Variants in PUS10 observed in about 807,000 individuals in gnomAD.
The protein encoded by PUS10 is pseudouridine synthase 10.
In PUS10, 59 loss-of-function variants were observed where a neutral mutation model predicts 75.0. That is an observed-to-expected ratio of 0.79 (90% CI 0.64 to 0.98). The LOEUF (loss-of-function observed/expected upper bound fraction) is 0.98. PUS10 is among the 50% of genes least tolerant of loss of function. The probability of loss-of-function intolerance (pLI) is 0.00; values close to 1 mark genes in which losing one functional copy is unlikely to be tolerated. For missense variants in PUS10, 650 were observed against 614.4 expected, an observed-to-expected ratio of 1.06 and a Z score of -0.61; for synonymous variants, 219 against 211.6, an observed-to-expected ratio of 1.03 and a Z score of -0.30.
chr2:61,000,522 A>G (rs542889662), intron 4 of PUS10, among the ~76,000 whole-genome samples: 2 of 152,312 alleles, frequency 1.3e-5, no homozygotes, highest in African/African-American at 4.8e-5. Flanking sequence ...GGAGGCTGTA[A>G]GTAGTAAATC....
intron 4 of PUS10, among the ~76,000 whole-genome samples, chr2:60,972,243 C>T (rs1676731582): frequency 6.8e-6 from 1 of 147,912 alleles, no homozygotes; most frequent in Non-Finnish European, 1.5e-5. Flanking sequence ...GTGGGCGGAT[C>T]ACGACGTCAG....
chr2:61,015,566 G>A (rs1238295340), intron 1 of PUS10, among the ~76,000 whole-genome samples: 2 of 152,140 alleles, frequency 1.3e-5, no homozygotes, highest in Non-Finnish European at 2.9e-5. Flanking sequence ...ATGCGTGGTG[G>A]CACGCACCTG....
intron 16 of PUS10, among the ~76,000 whole-genome samples, chr2:60,947,581 G>A (rs1675025783): frequency 6.6e-6 from 1 of 152,148 alleles, no homozygotes; most frequent in Non-Finnish European, 1.5e-5. Context: ...TGTAATCACA[G>A]CACTTCGGAA....
chr2:60,970,142 T>C (rs965213530), intron 5 of PUS10, among the ~76,000 whole-genome samples: 1 of 151,946 alleles, frequency 6.6e-6, no homozygotes, highest in African/African-American at 2.4e-5. Flanking sequence ...TAGATATAAA[T>C]TGAAAACATT....
intron 4 of PUS10, among the ~76,000 whole-genome samples, chr2:60,991,125 T>A (rs770201701): frequency 5.9e-5 from 9 of 152,170 alleles, no homozygotes; most frequent in Non-Finnish European, 1.0e-4. Context: ...GCAATCCTCC[T>A]GCCTCAGTCT....
intron 4 of PUS10, among the ~76,000 whole-genome samples, chr2:60,985,257 T>C (rs924540833): frequency 2.0e-5 from 3 of 152,174 alleles, no homozygotes; most frequent in Non-Finnish European, 4.4e-5. Context: ...GCTTGGGTAC[T>C]ATTAGTTTGA....
intron 4 of PUS10, among the ~76,000 whole-genome samples, chr2:60,981,940 C>A (rs1009164434): frequency 6.6e-5 from 10 of 152,100 alleles, no homozygotes; most frequent in Non-Finnish European, 1.0e-4. Flanking sequence ...CACTTTGAAA[C>A]AAACAATTTT....
intron 4 of PUS10, among the ~76,000 whole-genome samples, chr2:60,999,063 CTG>C (rs1388445750): frequency 6.6e-6 from 1 of 152,158 alleles, no homozygotes; most frequent in African/African-American, 2.4e-5. Flanking sequence ...ACTAAGCAAA[CTG>C]TTTCCCATAC....
chr2:60,994,102 G>A (rs778961779), intron 4 of PUS10, among the ~76,000 whole-genome samples: 32 of 151,546 alleles, frequency 2.1e-4, no homozygotes, highest in Non-Finnish European at 4.0e-4. Flanking sequence ...TCGACACTTC[G>A]TAACTGACAA....
At chr2:61,002,580 T>A (rs929137736) in intron 4 of PUS10, among the ~76,000 whole-genome samples, 1 of 152,188 alleles carries the variant, frequency 6.6e-6, no homozygotes, top group Non-Finnish European at 1.5e-5. Flanking sequence ...CCCAAGGAGC[T>A]GGGACCACAG....
chr2:61,003,912 C>G (rs1035883863), intron 4 of PUS10, among the ~76,000 whole-genome samples: 1 of 152,110 alleles, frequency 6.6e-6, no homozygotes, highest in African/African-American at 2.4e-5. Flanking sequence ...ATAATAAATA[C>G]TACCATATTG....
At chr2:61,002,126 G>A (rs1388019064) in intron 4 of PUS10, among the ~76,000 whole-genome samples, 1 of 152,158 alleles carries the variant, frequency 6.6e-6, no homozygotes, top group Non-Finnish European at 1.5e-5. Context: ...CATTACCTAT[G>A]AGCTTGTTAG....
intron 4 of PUS10, among the ~76,000 whole-genome samples, chr2:60,972,313 C>A (rs1318894860): frequency 2.0e-5 from 3 of 150,620 alleles, no homozygotes; most frequent in African/African-American, 7.3e-5. Context: ...AAAAAAAGTA[C>A]AAAAAAATTA....
intron 4 of PUS10, among the ~76,000 whole-genome samples, chr2:61,003,645 A>G (rs1381846126): frequency 1.3e-5 from 2 of 149,634 alleles, no homozygotes; most frequent in African/African-American, 2.5e-5. Context: ...CCCAGGTCCA[A>G]GCAATCCCCC....
chr2:61,015,631 A>G (rs1679920296), intron 1 of PUS10, among the ~76,000 whole-genome samples: 1 of 152,196 alleles, frequency 6.6e-6, no homozygotes, highest in African/African-American at 2.4e-5. Flanking sequence ...CCCAGGAGGC[A>G]GAGGTTGCAG....
At chr2:60,993,189 G>A (rs1418198255) in intron 4 of PUS10, among the ~76,000 whole-genome samples, 1 of 152,170 alleles carries the variant, frequency 6.6e-6, no homozygotes, top group East Asian at 1.9e-4. Context: ...AGGCGCAGTG[G>A]CTCACACCTG....
intron 4 of PUS10, 38 bp downstream of exon 4, chr2:61,006,519 C>A: frequency 7.3e-7 from 1 of 1,366,224 alleles, no homozygotes. Context: ...TCCTAGCATG[C>A]ACTTCACATA....
intron 6 of PUS10, 56 bp from the exon 7 acceptor site, chr2:60,965,540 C>T: frequency 8.4e-7 from 1 of 1,188,924 alleles, no homozygotes. Flanking sequence ...CATCTAACAA[C>T]TTATTAATGG....
intron 3 of PUS10, 139 bp downstream of exon 3, chr2:61,008,622 T>C: frequency 1.5e-6 from 1 of 666,532 alleles, no homozygotes; most frequent in Non-Finnish European, 2.4e-6. Flanking sequence ...ATTGTACCAC[T>C]GCACTTCAGC....
Sources: gnomAD v4.1 joint callset for allele counts (sites outside exome capture counted in the v4.1 genomes callset) on GRCh38, gnomAD v4.1.1 for gene constraint, MANE v1.5 for transcripts, NCBI Gene and HGNC (gene_info 2026-07-23, HGNC 2026-07-21) for gene names.